The following CDKL5 variants were observed in gnomAD, a reference collection of about 807,000 sequenced individuals.
The protein encoded by CDKL5 is cyclin-dependent kinase-like 5.
CDKL5 carries 8 observed loss-of-function variants against 61.7 expected under a neutral mutation model. The observed-to-expected ratio is 0.13, with a 90% CI of 0.08 to 0.23. CDKL5 has a LOEUF of 0.23. Among genes scored for constraint, CDKL5 ranks in the 10% least tolerant of loss-of-function variants. CDKL5 has a pLI of 1.00. For missense variants in CDKL5, 440 were observed against 734.5 expected, an observed-to-expected ratio of 0.60 and a Z score of 4.63; for synonymous variants, 275 against 272.3, an observed-to-expected ratio of 1.01 and a Z score of -0.10.
intron 1 of CDKL5, among the ~76,000 whole-genome samples, chrX:18,454,543 A>G (rs1214205837): frequency 2.9e-5 from 3 of 103,900 alleles, no homozygotes; most frequent in African/African-American, 1.1e-4. Flanking sequence ...CCTAAAGCAT[A>G]CTTTTGATTA....
At chrX:18,477,422 C>T (rs1792654588) in intron 1 of CDKL5, among the ~76,000 whole-genome samples, 1 of 112,327 alleles carries the variant, frequency 8.9e-6, no homozygotes, top group Admixed American at 9.5e-5. Context: ...ATTGTTTAAT[C>T]CTTTCACATT....
chrX:18,434,634 T>G (rs1388850812), intron 1 of CDKL5, among the ~76,000 whole-genome samples: 1 of 112,254 alleles, frequency 8.9e-6, no homozygotes, highest in Non-Finnish European at 1.9e-5. Context: ...AAACTGTGTA[T>G]TTTGTATTAT....
chrX:18,571,781 T>G (rs1159165777), intron 4 of CDKL5, among the ~76,000 whole-genome samples: 6 of 111,507 alleles, frequency 5.4e-5, no homozygotes. Context: ...CCATTTTGCT[T>G]GAATTTAGGG....
Position 18,630,935 on chromosome X carries a change from T to A in CDKL5, c.*2178T>A. On this transcript the variant is annotated 3_prime_UTR_variant, in exon 18 of 18. Transcript: ENST00000623535. Reference sequence around the variant, plus strand: ...TCTAAAAGGGTGTGTATTTAACTCTTCTTTTTCATACTAGATCTCTACCTT... The same window carrying A: ...TCTAAAAGGGTGTGTATTTAACTCTACTTTTTCATACTAGATCTCTACCTT... 1.3e-6 allele frequency: 1 copy of A among 747,817 alleles called. No homozygotes were observed. The highest frequency in any genetic ancestry group is 1.6e-6 in the Non-Finnish European group (1 of 637,753). The allele number at this position is 747,817 out of a possible 1,213,427, so 61.6% of individuals were successfully genotyped here.
chrX:18,623,005 A>G (rs944272667), intron 16 of CDKL5, among the ~76,000 whole-genome samples: 2 of 112,121 alleles, frequency 1.8e-5, no homozygotes, highest in African/African-American at 6.5e-5. Flanking sequence ...GTTCTCTGAC[A>G]ATTGAGATAT....
In CDKL5 at chrX:18,634,988, G is replaced by T; in HGVS notation, c.*6231G>T. On this transcript the variant is annotated 3_prime_UTR_variant, in exon 18 of 18. Coordinates refer to ENST00000623535, the MANE Select transcript of CDKL5 (RefSeq NM_001323289.2). ...AGTATGTGGTAGATGAAGAATCAGT[G>T]GAAATTCTTAATTGCACAGACTTTA... The T allele has an allele frequency of 1.3e-6, 1 of 744,123 alleles. No homozygotes were observed. Among genetic ancestry groups the T allele is most frequent in the Non-Finnish European group, 1.6e-6 (1 of 633,668 alleles). 61.3% of individuals were successfully genotyped at this position (744,123 alleles called of 1,213,427 possible).
chrX:18,579,530 A>C (rs922827718), intron 5 of CDKL5, among the ~76,000 whole-genome samples: 14 of 111,334 alleles, frequency 1.3e-4, no homozygotes, highest in Admixed American at 1.1e-3. Context: ...TATACATTAC[A>C]GTGTCATATT....
chrX:18,565,426 C>T (rs137913310), intron 4 of CDKL5, among the ~76,000 whole-genome samples: 1,861 of 112,134 alleles, frequency 0.017, 18 homozygotes, highest in Non-Finnish European at 0.027. Flanking sequence ...CCTATTGTGA[C>T]ATCAAATGGA....
At chrX:18,607,586 G>A (rs1926406063) in intron 12 of CDKL5, among the ~76,000 whole-genome samples, 1 of 111,886 alleles carries the variant, frequency 8.9e-6, no homozygotes, top group African/African-American at 3.3e-5. Context: ...GACTGTGAAG[G>A]CCAGTTCAGG....
intron 1 of CDKL5, among the ~76,000 whole-genome samples, chrX:18,500,072 T>C (rs1268994271): frequency 1.8e-5 from 2 of 111,929 alleles, no homozygotes; most frequent in Non-Finnish European, 3.8e-5. Flanking sequence ...TTCTGTTTTT[T>C]CTTATCCTGG....
intron 3 of CDKL5, among the ~76,000 whole-genome samples, chrX:18,538,020 T>C (rs773009659): frequency 8.9e-6 from 1 of 112,119 alleles, no homozygotes; most frequent in East Asian, 2.8e-4. Flanking sequence ...TGGTGTATAC[T>C]TTTCCAGACT....
chrX:18,604,993 T>C, intron 12 of CDKL5, 125 bp downstream of exon 12: 1 of 810,673 alleles, frequency 1.2e-6, no homozygotes, highest in Non-Finnish European at 1.8e-6. Flanking sequence ...ATAGGATGCA[T>C]TTAGGGAAGC....
chrX:18,499,052 C>T (rs1012470665), intron 1 of CDKL5, among the ~76,000 whole-genome samples: 1 of 111,727 alleles, frequency 9.0e-6, no homozygotes, highest in Non-Finnish European at 1.9e-5. Context: ...ATTACAGGCC[C>T]GAGCCACTGT....
intron 20 of CDKL5, among the ~76,000 whole-genome samples, chrX:18,648,856 C>A (rs1479749430): frequency 9.1e-6 from 1 of 109,855 alleles, no homozygotes; most frequent in African/African-American, 3.3e-5. Context: ...TTGGGAGGAT[C>A]ACTTGAGCCC....
intron 1 of CDKL5, among the ~76,000 whole-genome samples, chrX:18,454,677 C>T (rs961302808): frequency 9.1e-6 from 1 of 109,509 alleles, no homozygotes; most frequent in Non-Finnish European, 1.9e-5. Flanking sequence ...CTGCCTCAGC[C>T]TCCCGAGTAG....
chrX:18,641,861 A>T, downstream of CDKL5: 4 of 593,499 alleles, frequency 6.7e-6, no homozygotes, highest in Non-Finnish European at 1.0e-5. Flanking sequence ...ATATCTTAAA[A>T]AAAAAAAAAT....
rs1226933092 is a variant in CDKL5 at position 18,632,686 on chromosome X, T to C, written c.*3929T>C. ...TACTTTAATTCTAAGCTCAGAGCTA[T>C]GCTGTCAGTCTCTAGTCACGCCATG... On this transcript the variant is annotated 3_prime_UTR_variant, in exon 18 of 18. Coordinates refer to ENST00000623535, the MANE Select transcript of CDKL5 (RefSeq NM_001323289.2). The C allele has an allele frequency of 1.3e-6, 1 of 752,428 alleles. No homozygotes were observed. Among genetic ancestry groups the C allele is most frequent in the African/African-American group, 2.3e-5 (1 of 43,286 alleles). The allele number at this position is 752,428 out of a possible 1,213,427, so 62.0% of individuals were successfully genotyped here.
At chrX:18,505,340 A>G (rs1344180537) in intron 1 of CDKL5, among the ~76,000 whole-genome samples, 1 of 112,297 alleles carries the variant, frequency 8.9e-6, no homozygotes, top group African/African-American at 3.2e-5. Context: ...CGAAGTACTA[A>G]TATGAAAATT....
chrX:18,450,102 C>A (rs2147634114), intron 1 of CDKL5, among the ~76,000 whole-genome samples: 1 of 112,121 alleles, frequency 8.9e-6, no homozygotes, highest in South Asian at 3.7e-4. Context: ...CCCCTTAATT[C>A]TTTTGAAGTG....
Sources: gnomAD v4.1 joint callset for allele counts (sites outside exome capture counted in the v4.1 genomes callset) on GRCh38, gnomAD v4.1.1 for gene constraint, MANE v1.5 for transcripts, NCBI Gene and HGNC (gene_info 2026-07-23, HGNC 2026-07-21) for gene names.